DGKB: variants seen among roughly 807,000 people sequenced by gnomAD.
DGKB encodes the protein diacylglycerol kinase beta.
In DGKB, 67 loss-of-function variants were observed where a neutral mutation model predicts 114.3. The ratio of observed to expected loss-of-function variants is 0.59; its 90% confidence interval spans 0.48 to 0.72. The LOEUF (loss-of-function observed/expected upper bound fraction) is 0.72. Among genes scored for constraint, DGKB ranks in the 30% least tolerant of loss-of-function variants. The pLI is 0.00. For synonymous variants in DGKB, 398 were observed against 323.1 expected, an observed-to-expected ratio of 1.23 and a Z score of -2.49; for missense variants, 907 against 975.2, an observed-to-expected ratio of 0.93 and a Z score of 0.93.
rs1807552180 is a variant in DGKB at position 14,621,092 on chromosome 7, A to C, written c.1284+286T>G. 1.8e-5 allele frequency: 5 copies of C among 274,000 alleles called. No homozygotes were observed. In the South Asian group the frequency reaches 2.6e-4, roughly 14 times the overall value. The allele number at this position is 274,000 out of a possible 1,614,324, so 17.0% of individuals were successfully genotyped here. The stretch of plus-strand genomic sequence containing the variant: ...GTAAATAAATAACACATATGTATTT[A>C]ATAAGTGTGTATATTTAGCAATAAT... On this transcript the variant is annotated intron_variant, in intron 15 of 25. Transcript: ENST00000402815.
intron 1 of DGKB, among the ~76,000 whole-genome samples, chr7:14,957,724 T>C (rs1282662441): frequency 6.6e-6 from 1 of 152,096 alleles, no homozygotes; most frequent in African/African-American, 2.4e-5. Context: ...ATTACTTTTC[T>C]GTATTACCAT....
chr7:14,656,753 T>C (rs2462565), intron 13 of DGKB, among the ~76,000 whole-genome samples: 72,033 of 149,170 alleles, frequency 0.48, 18,773 homozygotes, highest in Non-Finnish European at 0.58. Flanking sequence ...ATAGGATATA[T>C]ACACACACAC....
intron 6 of DGKB, among the ~76,000 whole-genome samples, chr7:14,709,645 G>C (rs570189294): frequency 0.01 from 1,459 of 145,662 alleles, 25 homozygotes; most frequent in African/African-American, 0.034. Flanking sequence ...CATAAAAAAT[G>C]ATGAGTTCAT....
chr7:14,493,641 G>C (rs1359336309), intron 20 of DGKB, among the ~76,000 whole-genome samples: 2 of 151,998 alleles, frequency 1.3e-5, no homozygotes, highest in East Asian at 3.9e-4. Context: ...CCTGGACAAA[G>C]GGATGATTCA....
intron 13 of DGKB, among the ~76,000 whole-genome samples, chr7:14,646,211 C>T (rs1239428378): frequency 2.0e-5 from 3 of 151,988 alleles, no homozygotes; most frequent in East Asian, 1.9e-4. Context: ...GAAAAGTAGG[C>T]AGGATTATCT....
intron 23 of DGKB, among the ~76,000 whole-genome samples, chr7:14,181,774 T>C (rs139617303): frequency 1.5e-4 from 23 of 152,348 alleles, no homozygotes; most frequent in Non-Finnish European, 2.4e-4. Context: ...TTCAGTTTAA[T>C]GTTATAAAGT....
In DGKB at chr7:14,668,149, G is replaced by T. The variant is rs570335582; in HGVS notation, c.1134+4780C>A. On this transcript the variant is annotated intron_variant, in intron 13 of 25. Transcript: ENST00000402815. ...GAAAGTTGACCCAGGAAGCAGGTTG[G>T]GGTGTACAGAAAGGAGGTAGTTCAC... Among the ~76,000 whole-genome samples, 5 of 152,028 alleles carry T rather than the reference G, an allele frequency of 3.3e-5. No homozygotes were observed. In the East Asian group the frequency reaches 9.6e-4, roughly 29 times the overall value.
intron 20 of DGKB, among the ~76,000 whole-genome samples, chr7:14,561,566 A>T (rs1029416625): frequency 6.6e-6 from 1 of 152,162 alleles, no homozygotes; most frequent in African/African-American, 2.4e-5. Flanking sequence ...GGCTCAGAAG[A>T]TAGTGATATG....
At chr7:14,578,657 T>C (rs981840681) in intron 19 of DGKB, among the ~76,000 whole-genome samples, 6 of 152,222 alleles carry the variant, frequency 3.9e-5, no homozygotes, top group African/African-American at 1.4e-4. Context: ...ATGTAAGCTC[T>C]AGTCTGCTCA....
chr7:14,930,889 T>TAA (rs1466322688), intron 1 of DGKB, among the ~76,000 whole-genome samples: 2 of 152,276 alleles, frequency 1.3e-5, no homozygotes, highest in Middle Eastern at 6.8e-3. Context: ...CTTCTATGTC[T>TAA]GGTTTGTTGA....
At chr7:14,628,480 T>C (rs1454671253) in intron 14 of DGKB, among the ~76,000 whole-genome samples, 1 of 152,154 alleles carries the variant, frequency 6.6e-6, no homozygotes, top group Non-Finnish European at 1.5e-5. Context: ...TTATAAGTGA[T>C]AAGATTGTGA....
intron 23 of DGKB, among the ~76,000 whole-genome samples, chr7:14,298,428 C>T (rs960930045): frequency 1.3e-5 from 2 of 152,098 alleles, no homozygotes; most frequent in Non-Finnish European, 2.9e-5. Flanking sequence ...TGATGTTTGA[C>T]AAACCTGACA....
At chr7:14,734,147 G>C (rs1586083103) in intron 5 of DGKB, among the ~76,000 whole-genome samples, 1 of 152,020 alleles carries the variant, frequency 6.6e-6, no homozygotes, top group East Asian at 1.9e-4. Flanking sequence ...TGATTCTCCT[G>C]TTTCAGCCTC....
At chr7:14,528,219 A>T (rs1790958528) in intron 20 of DGKB, among the ~76,000 whole-genome samples, 1 of 152,110 alleles carries the variant, frequency 6.6e-6, no homozygotes, top group Admixed American at 6.6e-5. Flanking sequence ...TTTCCACTGC[A>T]CTGACAGCTG....
intron 21 of DGKB, among the ~76,000 whole-genome samples, chr7:14,433,670 T>C (rs1583905884): frequency 6.6e-6 from 1 of 152,072 alleles, no homozygotes; most frequent in East Asian, 1.9e-4. Flanking sequence ...TTTGGACAGA[T>C]TGAGGAAAAC....
chr7:14,963,781 T>C (rs960384214), intron 1 of DGKB, among the ~76,000 whole-genome samples: 3 of 152,126 alleles, frequency 2.0e-5, no homozygotes, highest in African/African-American at 7.2e-5. Flanking sequence ...TGAGATTTTT[T>C]GGTCTTCCTT....
At chr7:14,170,134 C>CAAAAAAAAAAAA (rs762339951) in intron 25 of DGKB, among the ~76,000 whole-genome samples, 3 of 33,080 alleles carry the variant, frequency 9.1e-5, no homozygotes, top group Non-Finnish European at 1.8e-4. Context: ...AACTCCATCT[C>CAAAAAAAAAAAA]AAAAAAAAAA....
chr7:14,517,666 C>T (rs935418069), intron 20 of DGKB, among the ~76,000 whole-genome samples: 2 of 151,900 alleles, frequency 1.3e-5, no homozygotes, highest in Non-Finnish European at 2.9e-5. Flanking sequence ...TGAATGGACA[C>T]TGCAAAAGAA....
intron 19 of DGKB, 66 bp from the exon 20 acceptor site, chr7:14,574,438 T>A: frequency 7.2e-7 from 1 of 1,398,434 alleles, no homozygotes; most frequent in Admixed American, 2.0e-5. Flanking sequence ...TATTTTTATG[T>A]TTCAGTGTGC....
Sources: gnomAD v4.1 joint callset for allele counts (sites outside exome capture counted in the v4.1 genomes callset) on GRCh38, gnomAD v4.1.1 for gene constraint, MANE v1.5 for transcripts, NCBI Gene and HGNC (gene_info 2026-07-23, HGNC 2026-07-21) for gene names.